TNNT1: variants seen among roughly 807,000 people sequenced by gnomAD.
TNNT1 encodes troponin T, slow skeletal muscle.
In TNNT1, 53 loss-of-function variants were observed where a neutral mutation model predicts 50.6. The observed-to-expected ratio is 1.05, with a 90% CI of 0.84 to 1.32. TNNT1 has a LOEUF of 1.32. Ranked by LOEUF, TNNT1 falls within the 40% of genes most tolerant of loss-of-function variation. The pLI is 0.00. For synonymous variants in TNNT1, 142 were observed against 138.0 expected, an observed-to-expected ratio of 1.03 and a Z score of -0.20; for missense variants, 348 against 381.7, an observed-to-expected ratio of 0.91 and a Z score of 0.74.
At chr19:55,145,992 C>T (rs965572464) in intron 5 of TNNT1, among the ~76,000 whole-genome samples, 6 of 150,830 alleles carry the variant, frequency 4.0e-5, no homozygotes, top group African/African-American at 1.5e-4. Context: ...GCCCCACCGC[C>T]CCCCCGCCCC....
At chr19:55,138,347 G>C (rs1161683424) in intron 9 of TNNT1, among the ~76,000 whole-genome samples, 1 of 149,056 alleles carries the variant, frequency 6.7e-6, no homozygotes, top group Non-Finnish European at 1.5e-5. Context: ...GTGCGATCTT[G>C]GCTCACTGCA....
chr19:55,145,148 A>C (rs1312976747), intron 6 of TNNT1, among the ~76,000 whole-genome samples: 1 of 149,236 alleles, frequency 6.7e-6, no homozygotes, highest in African/African-American at 2.6e-5. Flanking sequence ...AAAAAAAAAA[A>C]AAAAACCAGG....
At position 55,146,635 on chromosome 19, in the gene TNNT1, G is replaced by GC. The variant is rs772892687; in HGVS notation, c.73+45dup. The GC allele has an allele frequency of 9.3e-3, 4,474 of 479,704 alleles. 21 individuals carry two copies. Among genetic ancestry groups the GC allele is most frequent in the Non-Finnish European group, 0.014 (4,131 of 301,504 alleles). 29.7% of individuals were successfully genotyped at this position (479,704 alleles called of 1,614,324 possible). A position where few individuals can be genotyped will look rare whatever the true frequency, so the allele number is the denominator to read the frequency against. ...CCCTCCTCCCGGGCCCAGCGTCCCC[G>GC]CCCCCCCACCCCCCAGCTCCAGACC... On this transcript the variant is annotated intron_variant, in intron 4 of 13. Transcript: ENST00000588981.
At chr19:55,146,763 G>A in intron 3 of TNNT1, 56 bp from the exon 4 acceptor site, 1 of 1,379,212 alleles carries the variant, frequency 7.3e-7, no homozygotes. Context: ...GGATGGGGGC[G>A]GTGGCCAGAG....
At chr19:55,146,819 C>T (rs952743859) in intron 3 of TNNT1, 112 bp from the exon 4 acceptor site, 4 of 1,157,996 alleles carry the variant, frequency 3.5e-6, no homozygotes, top group East Asian at 2.6e-5. Context: ...CTGGCCTCGG[C>T]TGCGATGGGC....
At chr19:55,137,635 T>C (rs148967140) in intron 10 of TNNT1, among the ~76,000 whole-genome samples, 271 of 45,530 alleles carry the variant, frequency 6.0e-3, no homozygotes, top group South Asian at 0.042. Context: ...GCCCCTCCTC[T>C]CAGACTGAGT....
Position 55,132,975 on chromosome 19 carries a change from G to A in TNNT1, c.792-15C>T. On this transcript the variant is annotated splice_polypyrimidine_tract_variant and intron_variant, in intron 13 of 13. Transcript: ENST00000588981. ...CCCCCTTCCGGCTGTAGAAGAATGA[G>A]GTGGTATCAGGAAAAAGGGGCCCCT... The A allele has an allele frequency of 6.3e-7, 1 of 1,594,868 alleles. No individual in the cohort carries two copies. The highest frequency in any genetic ancestry group is 8.5e-7 in the Non-Finnish European group (1 of 1,171,998).
intron 11 of TNNT1, among the ~76,000 whole-genome samples, chr19:55,135,771 T>C (rs1333777122): frequency 6.6e-6 from 1 of 152,132 alleles, no homozygotes; most frequent in African/African-American, 2.4e-5. Flanking sequence ...TCTGCCCGCC[T>C]CAGCCTCCCA....
At chr19:55,146,740 G>C in intron 3 of TNNT1, 33 bp from the exon 4 acceptor site, 1 of 1,473,280 alleles carries the variant, frequency 6.8e-7, no homozygotes, top group African/African-American at 1.4e-5. Context: ...GAAGGCGTTA[G>C]GAGCTGGGGG....
intron 10 of TNNT1, among the ~76,000 whole-genome samples, chr19:55,137,582 C>G (rs541091522): frequency 4.4e-4 from 55 of 125,570 alleles, no homozygotes; most frequent in East Asian, 1.1e-3. Flanking sequence ...GGAGTGCAGG[C>G]CCCCAGCCCC....
intron 10 of TNNT1, among the ~76,000 whole-genome samples, chr19:55,137,518 C>T (rs1395189338): frequency 6.8e-6 from 1 of 147,244 alleles, no homozygotes; most frequent in Non-Finnish European, 1.5e-5. Flanking sequence ...ACCCCAGCCC[C>T]TCCTCCCTCA....
In TNNT1 at chr19:55,132,861, C is replaced by T. The variant is rs142350493; in HGVS notation, c.*54G>A. 13 of 1,547,142 alleles carry T rather than the reference C, an allele frequency of 8.4e-6. No homozygotes were observed. The highest frequency in any genetic ancestry group is 3.3e-4 in the Middle Eastern group (2 of 5,998). Reference sequence around the variant, plus strand: ...GAGGGGAGCGTTTATTTCAAGCTACCGATGGGACAAACACTCCCAGGCTTC... The same window carrying T: ...GAGGGGAGCGTTTATTTCAAGCTACTGATGGGACAAACACTCCCAGGCTTC... On this transcript the variant is annotated 3_prime_UTR_variant, in exon 14 of 14. Coordinates refer to ENST00000588981, the MANE Select transcript of TNNT1 (RefSeq NM_003283.6).
At chr19:55,135,976 C>CG (rs1445290943) in intron 11 of TNNT1, among the ~76,000 whole-genome samples, 1 of 152,160 alleles carries the variant, frequency 6.6e-6, no homozygotes, top group African/African-American at 2.4e-5. Context: ...GAAGTATTTA[C>CG]GCCCTGGGAA....
In TNNT1 at chr19:55,140,804, T is replaced by TAAC. The variant is rs2085436449; in HGVS notation, c.387+78_387+79insGTT. On this transcript the variant is annotated intron_variant, in intron 9 of 13. Transcript: ENST00000588981. The stretch of plus-strand genomic sequence containing the variant: ...AGAATAATAATAATAGTAATAATAA[T>TAAC]AATAATAATAATAATAACAAAATGG... The TAAC allele has an allele frequency of 5.2e-5, 46 of 892,622 alleles. 2 individuals carry two copies. In the South Asian group the frequency reaches 9.5e-4, roughly 18 times the overall value. 55.3% of individuals were successfully genotyped at this position (892,622 alleles called of 1,614,324 possible). A position where few individuals can be genotyped will look rare whatever the true frequency, so the allele number is the denominator to read the frequency against.
chr19:55,141,071 G>T, intron 8 of TNNT1, 111 bp from the exon 9 acceptor site: 2 of 1,494,166 alleles, frequency 1.3e-6, no homozygotes, highest in Non-Finnish European at 1.9e-6. Flanking sequence ...GTGAATTCGC[G>T]AAAGCCTAAG....
rs7256092 is a variant in TNNT1, at chr19:55,137,411, G to C, written c.502-199C>G. 0.014 allele frequency among the ~76,000 whole-genome samples: 2,097 copies of C among 148,016 alleles called. 57 individuals carry two copies. The highest frequency in any genetic ancestry group is 0.1 in the South Asian group (462 of 4,584). On this transcript the variant is annotated intron_variant, in intron 10 of 13. Transcript: ENST00000588981. ...GATTCAGGAGGAGTCCAGACCCCCA[G>C]TCCCTTCTCTTAGACTGAGTCCAAG...
rs1380271668 is a variant in TNNT1, at chr19:55,145,648, C to G, written c.107-83G>C. ...AGGCCTGACACACCCTGGGGAGGGA[C>G]CCCCCAAGCCTCGGCCCCCAGGACC... On this transcript the variant is annotated intron_variant, in intron 5 of 13. Coordinates refer to ENST00000588981, the MANE Select transcript of TNNT1 (RefSeq NM_003283.6). The G allele has an allele frequency of 1.1e-5, 17 of 1,507,388 alleles. No individual in the cohort carries two copies. The South Asian group carries it at 1.8e-4, about 16-fold the overall frequency. The allele number at this position is 1,507,388 out of a possible 1,614,324, so 93.4% of individuals were successfully genotyped here. A position where few individuals can be genotyped will look rare whatever the true frequency, so the allele number is the denominator to read the frequency against.
intron 3 of TNNT1, 90 bp from the exon 4 acceptor site, chr19:55,146,797 A>AC: frequency 8.3e-6 from 10 of 1,198,298 alleles, no homozygotes; most frequent in Non-Finnish European, 1.1e-5. Context: ...TCTCTGCTGG[A>AC]CGGGGGTCCC....
At chr19:55,138,527 C>T (rs369194580) in intron 9 of TNNT1, among the ~76,000 whole-genome samples, 1 of 152,238 alleles carries the variant, frequency 6.6e-6, no homozygotes, top group Admixed American at 6.5e-5. Flanking sequence ...ATCCGCCTGC[C>T]TCGGCCTCCC....
Sources: allele counts gnomAD v4.1 joint callset (sites outside exome capture counted in the v4.1 genomes callset), GRCh38; gene constraint gnomAD v4.1.1; transcripts MANE v1.5; gene names NCBI Gene and HGNC (gene_info 2026-07-23, HGNC 2026-07-21).